The following PTPRG variants were observed in gnomAD, a reference collection of about 807,000 sequenced individuals.
PTPRG encodes the protein receptor-type tyrosine-protein phosphatase gamma.
Under a neutral mutation model 165.3 loss-of-function variants are expected in PTPRG, and 102 were observed. The ratio of observed to expected loss-of-function variants is 0.62; its 90% CI spans 0.53 to 0.73. PTPRG has a LOEUF of 0.73. Ranked by LOEUF, PTPRG falls within the 30% of genes least tolerant of loss-of-function variation. The probability of loss-of-function intolerance (pLI) is 0.00; values close to 1 mark genes in which losing one functional copy is unlikely to be tolerated. For missense variants in PTPRG, 1,866 were observed against 1,861.4 expected (o/e 1.00, Z -0.05); for synonymous variants, 675 against 669.5 (o/e 1.01, Z -0.13).
At chr3:61,638,726 C>A (rs2106947602) in intron 1 of PTPRG, among the ~76,000 whole-genome samples, 1 of 151,326 alleles carries the variant, frequency 6.6e-6, no homozygotes, top group African/African-American at 2.4e-5. Flanking sequence ...GCGTGAGCCA[C>A]CGTGCCCAGC....
intron 2 of PTPRG, among the ~76,000 whole-genome samples, chr3:61,752,009 A>C (rs761999515): frequency 6.6e-6 from 1 of 152,070 alleles, no homozygotes; most frequent in Non-Finnish European, 1.5e-5. Flanking sequence ...AAAAAAAAGA[A>C]AACGTTAACA....
At chr3:61,821,489 C>T (rs927853564) in intron 2 of PTPRG, among the ~76,000 whole-genome samples, 2 of 152,158 alleles carry the variant, frequency 1.3e-5, no homozygotes, top group Non-Finnish European at 2.9e-5. Flanking sequence ...CTTAAGTTGA[C>T]AGAAAAGGAG....
chr3:61,753,624 A>G (rs1179340679), intron 2 of PTPRG: 1 of 398,786 alleles, frequency 2.5e-6, no homozygotes, highest in East Asian at 9.1e-5. Context: ...TTGCTCTTTC[A>G]CCCAGGCTGG....
At chr3:61,690,532 A>G (rs1443032066) in intron 1 of PTPRG, among the ~76,000 whole-genome samples, 1 of 152,222 alleles carries the variant, frequency 6.6e-6, no homozygotes, top group African/African-American at 2.4e-5. Flanking sequence ...TTAAACAAAC[A>G]TTCACCACAA....
intron 2 of PTPRG, among the ~76,000 whole-genome samples, chr3:61,863,585 G>A (rs1429014406): frequency 1.3e-5 from 2 of 152,156 alleles, no homozygotes; most frequent in African/African-American, 4.8e-5. Context: ...ATTTCCCCTT[G>A]CCTTTTCTGC....
intron 1 of PTPRG, among the ~76,000 whole-genome samples, chr3:61,637,683 A>G (rs559997867): frequency 1.4e-4 from 22 of 152,208 alleles, no homozygotes; most frequent in Admixed American, 1.2e-3. Context: ...GTTGCGTCGC[A>G]TTGCTTCCAC....
chr3:62,032,641 G>A (rs1219480766), intron 4 of PTPRG, among the ~76,000 whole-genome samples: 1 of 152,076 alleles, frequency 6.6e-6, no homozygotes, highest in Non-Finnish European at 1.5e-5. Flanking sequence ...TTATAAATTT[G>A]CCATGATCGA....
At chr3:61,915,002 G>A (rs2038899012) in intron 2 of PTPRG, among the ~76,000 whole-genome samples, 1 of 152,192 alleles carries the variant, frequency 6.6e-6, no homozygotes, top group African/African-American at 2.4e-5. Flanking sequence ...AGGCCAAGGC[G>A]GGCGGATCAC....
chr3:62,074,262 G>C (rs72889522), intron 4 of PTPRG, among the ~76,000 whole-genome samples: 7,346 of 151,160 alleles, frequency 0.049, 599 homozygotes, highest in African/African-American at 0.17. Flanking sequence ...GGTGATACTG[G>C]GTAAAGGAGA....
intron 2 of PTPRG, among the ~76,000 whole-genome samples, chr3:61,853,783 C>T (rs990771486): frequency 6.6e-6 from 1 of 152,172 alleles, no homozygotes; most frequent in African/African-American, 2.4e-5. Flanking sequence ...GGGGAATTCA[C>T]TGTGACCCCT....
At position 61,886,538 on chromosome 3, in the gene PTPRG, C is replaced by G. The variant is rs2038043387; in HGVS notation, c.191-103087C>G. 2.0e-5 allele frequency among the ~76,000 whole-genome samples: 3 copies of G among 152,074 alleles called. No homozygotes were observed. The South Asian group carries it at 6.2e-4, about 32-fold the overall frequency. On this transcript the variant is annotated intron_variant, in intron 2 of 29. Transcript: ENST00000474889. ...TGATGTTGGATGGTCTACAACTTGT[C>G]CTGTATGCCTTCCCCGCCCTGCCCC...
intron 2 of PTPRG, among the ~76,000 whole-genome samples, chr3:61,897,522 T>G (rs1391284960): frequency 6.6e-6 from 1 of 152,206 alleles, no homozygotes; most frequent in African/African-American, 2.4e-5. Context: ...GGTAGAAAGA[T>G]TCTTCTCTCT....
At chr3:61,921,071 T>A (rs959259445) in intron 2 of PTPRG, among the ~76,000 whole-genome samples, 1 of 151,858 alleles carries the variant, frequency 6.6e-6, no homozygotes, top group African/African-American at 2.4e-5. Context: ...TTAATTACTT[T>A]CTTTTCTCCT....
intron 28 of PTPRG, among the ~76,000 whole-genome samples, chr3:62,287,574 G>GTCACATACAGAAGTTCTAACATAT (rs1283141185): frequency 6.6e-6 from 1 of 151,832 alleles, no homozygotes; most frequent in Admixed American, 6.6e-5. Context: ...GAATGTGGAA[G>GTCACATACAGAAGTTCTAACATAT]TCACATACAG....
Position 62,191,628 on chromosome 3 carries a change from T to A in PTPRG, c.1193T>A (p.Phe398Tyr), listed in dbSNP as rs138456939. 6.8e-6 allele frequency: 11 copies of A among 1,614,060 alleles called. No homozygotes were observed. Among genetic ancestry groups the A allele is most frequent in the Non-Finnish European group, 9.3e-6 (11 of 1,180,002 alleles). Residue 398 changes from phenylalanine to tyrosine, a missense_variant, in exon 9 of 30, where the codon TTT becomes TAT. This residue lies in a region of PTPRG where 1,452 missense variants were observed against 1,463.0 expected (regional missense o/e 0.99). Transcript: ENST00000474889. ...TKNEDEKEKT[F>Y]TKDSDKDLKA... ...AATGAGGACGAGAAGGAGAAGACGT[T>A]TACAAAGGACAGCGACAAAGACTTG...
At chr3:61,810,031 T>G (rs1394722613) in intron 2 of PTPRG, among the ~76,000 whole-genome samples, 1 of 152,194 alleles carries the variant, frequency 6.6e-6, no homozygotes, top group African/African-American at 2.4e-5. Context: ...CTGTTTAGCC[T>G]GTTGAGCCTC....
At chr3:62,097,442 A>C (rs759478161) in intron 5 of PTPRG, among the ~76,000 whole-genome samples, 2 of 151,028 alleles carry the variant, frequency 1.3e-5, no homozygotes, top group Non-Finnish European at 2.9e-5. Context: ...ATAAACTAAC[A>C]CTCATAAGTA....
chr3:62,009,920 T>TTATA (rs1553704121), intron 4 of PTPRG, among the ~76,000 whole-genome samples: 125 of 152,124 alleles, frequency 8.2e-4, no homozygotes, highest in African/African-American at 2.9e-3. Flanking sequence ...GTATACATAT[T>TTATA]TGTATGCATG....
rs181349992 is a variant in PTPRG at position 62,233,367 on chromosome 3, C to T, written c.2375+2056C>T. Among the ~76,000 whole-genome samples, 7 of 152,276 alleles carry T rather than the reference C, an allele frequency of 4.6e-5. No homozygotes were observed. Among genetic ancestry groups the T allele is most frequent in the African/African-American group, 1.7e-4 (7 of 41,560 alleles). On this transcript the variant is annotated intron_variant, in intron 14 of 29. Transcript: ENST00000474889. This position sits in a 1 kb window ranked among gnomAD's most constrained non-coding sequence, Gnocchi z 4.7. ...TGTCCCCTCTCCTTCCCCATGCTCT[C>T]TCCCCAGGCACTTTTGCTGCCTCCT... is the stretch of plus-strand genomic sequence containing the variant.
Sources: gnomAD v4.1 joint callset for allele counts (sites outside exome capture counted in the v4.1 genomes callset) on GRCh38, gnomAD v4.1.1 for gene constraint, gnomAD v4.1.1 regional missense constraint, Gnocchi (gnomAD v3.1) non-coding constraint, MANE v1.5 for transcripts, NCBI Gene and HGNC (gene_info 2026-07-23, HGNC 2026-07-21) for gene names.